The following ASB3 variants were observed in gnomAD, a reference collection of about 807,000 sequenced individuals.
ASB3 encodes the protein ankyrin repeat and SOCS box containing 3.
ASB3 carries 41 observed loss-of-function variants against 54.5 expected under a neutral mutation model. The ratio of observed to expected loss-of-function variants is 0.75; its 90% CI spans 0.59 to 0.98. ASB3 has a LOEUF of 0.98. Among genes scored for constraint, ASB3 ranks in the 50% least tolerant of loss-of-function variants. The probability of loss-of-function intolerance (pLI) is 0.00; values close to 1 mark genes in which losing one functional copy is unlikely to be tolerated. For synonymous variants in ASB3, 266 were observed against 221.2 expected (o/e 1.20, Z -1.80); for missense variants, 733 against 620.0 (o/e 1.18, Z -1.94).
chr2:53,784,526 A>G (rs1674825584), intron 1 of ASB3, among the ~76,000 whole-genome samples: 1 of 152,234 alleles, frequency 6.6e-6, no homozygotes, highest in Non-Finnish European at 1.5e-5. Context: ...TCAAGATGTC[A>G]GCAGGGCTAT....
chr2:53,735,647 AC>A (rs1167289888), intron 3 of ASB3, among the ~76,000 whole-genome samples: 1 of 152,070 alleles, frequency 6.6e-6, no homozygotes, highest in Non-Finnish European at 1.5e-5. Flanking sequence ...AAAAAAAAAA[AC>A]AAAAACTGAT....
At chr2:53,736,874 C>G (rs139296258) in intron 3 of ASB3, among the ~76,000 whole-genome samples, 239 of 151,842 alleles carry the variant, frequency 1.6e-3, no homozygotes, top group African/African-American at 5.6e-3. Context: ...GCCTGTAGTC[C>G]CAAGTACACT....
At chr2:53,784,123 T>C (rs1335565505) in intron 1 of ASB3, among the ~76,000 whole-genome samples, 1 of 152,266 alleles carries the variant, frequency 6.6e-6, no homozygotes, top group African/African-American at 2.4e-5. Context: ...TCTCTGCAGA[T>C]GCAATCATAC....
At chr2:53,687,891 C>A (rs542014967) in intron 9 of ASB3, among the ~76,000 whole-genome samples, 1 of 152,308 alleles carries the variant, frequency 6.6e-6, no homozygotes, top group East Asian at 1.9e-4. Context: ...ACACGGCTCA[C>A]TGCAGCCTTG....
intron 2 of ASB3, among the ~76,000 whole-genome samples, chr2:53,761,963 T>G (rs1043360992): frequency 3.9e-5 from 6 of 152,182 alleles, no homozygotes; most frequent in African/African-American, 1.4e-4. Flanking sequence ...TTACATTACA[T>G]CTCTACCATG....
chr2:53,705,741 C>T (rs1181019091), intron 7 of ASB3, among the ~76,000 whole-genome samples: 9 of 152,160 alleles, frequency 5.9e-5, no homozygotes, highest in East Asian at 1.9e-4. Context: ...CGTTCCCTGA[C>T]GCTCTTGTTT....
chr2:53,716,584 G>A lies in ASB3; in HGVS notation c.764C>T (p.Ala255Val), dbSNP rs1447530587. The change falls in exon 6 of 10, where the codon GCA becomes GTA. Residue 255 changes from alanine (A) to valine (V), a missense_variant. Physicochemically the swap from Ala to Val is moderately conservative, Grantham distance 64 (BLOSUM62 0). Transcript: ENST00000263634. Reference sequence around the variant, plus strand: ...CACTTACTTTGTATGGCCCATTTGTGCAGCTGCATGAATAGGTAACTGCCA... The same window carrying A: ...CACTTACTTTGTATGGCCCATTTGTACAGCTGCATGAATAGGTAACTGCCA... ...DSWQLPIHAA[A>V]QMGHTKILDL... 2 of 1,612,870 alleles carry A rather than the reference G, an allele frequency of 1.2e-6. No individual in the cohort carries two copies. The highest frequency in any genetic ancestry group is 2.2e-5 in the East Asian group (1 of 44,858).
chr2:53,731,201 A>G (rs914667031), intron 3 of ASB3, among the ~76,000 whole-genome samples: 65 of 152,154 alleles, frequency 4.3e-4, no homozygotes, highest in African/African-American at 1.5e-3. Context: ...GGAGATCGAG[A>G]CCATCCTGGC....
chr2:53,700,550 C>CA (rs1424946483), intron 7 of ASB3, 22 bp from the exon 8 acceptor site: 1 of 1,573,464 alleles, frequency 6.4e-7, no homozygotes, highest in Admixed American at 2.1e-5. Context: ...AAAATAAAAA[C>CA]AAAAAAAGAA....
intron 3 of ASB3, among the ~76,000 whole-genome samples, chr2:53,744,683 G>C (rs1197245135): frequency 2.6e-5 from 4 of 151,942 alleles, no homozygotes; most frequent in South Asian, 2.1e-4. Flanking sequence ...TATATAAAGA[G>C]ATATGAATGT....
In ASB3 at chr2:53,785,279, T is replaced by TCTTACTTTTCATCAG. The variant is rs541282475; in HGVS notation, c.-14+1541_-14+1542insCTGATGAAAAGTAAG. Among the ~76,000 whole-genome samples the TCTTACTTTTCATCAG allele has an allele frequency of 1.8e-4, 28 of 152,360 alleles. No homozygotes were observed. In the East Asian group the frequency reaches 5.2e-3, roughly 28 times the overall value. On this transcript the variant is annotated intron_variant, in intron 1 of 9. Transcript: ENST00000263634. ...ATTATTTTACTTATTTAAGTTCCCC[T>TCTTACTTTTCATCAG]CTTACTTGAACATCAGCTCTATTGA...
chr2:53,776,692 A>G (rs1211107736), intron 1 of ASB3, among the ~76,000 whole-genome samples: 1 of 151,994 alleles, frequency 6.6e-6, no homozygotes, highest in Non-Finnish European at 1.5e-5. Flanking sequence ...AGTGGCATGC[A>G]CCTGTAGGCC....
chr2:53,768,780 T>C lies in ASB3; in HGVS notation c.-13-3195A>G, dbSNP rs573578653. Among the ~76,000 whole-genome samples the C allele has an allele frequency of 3.3e-5, 5 of 152,316 alleles. No individual in the cohort carries two copies. In the South Asian group the frequency reaches 8.3e-4, roughly 25 times the overall value. On this transcript the variant is annotated intron_variant, in intron 1 of 9. Coordinates refer to ENST00000263634, the MANE Select transcript of ASB3 (RefSeq NM_016115.5). ...TCCTACAAAGACATTAATCTCAATA[T>C]ATGTATAGAGAATTAGCAGCAGCTC...
At chr2:53,757,011 A>T (rs1015710249) in intron 2 of ASB3, 3 of 167,674 alleles carry the variant, frequency 1.8e-5, no homozygotes, top group Admixed American at 6.3e-5. Context: ...CAAGAACCCG[A>T]GGTCAGAGAA....
chr2:53,682,644 T>G (rs1289973602), intron 9 of ASB3, among the ~76,000 whole-genome samples: 1 of 151,864 alleles, frequency 6.6e-6, no homozygotes, highest in Non-Finnish European at 1.5e-5. Context: ...GCCCGGCTAA[T>G]TTTTGTATTT....
chr2:53,746,515 T>C (rs1055326724), intron 3 of ASB3, among the ~76,000 whole-genome samples: 12 of 151,080 alleles, frequency 7.9e-5, no homozygotes, highest in Admixed American at 2.6e-4. Context: ...AGAGTTATTG[T>C]TGTCCAAGCT....
At chr2:53,714,710 G>T in intron 6 of ASB3, 129 bp from the exon 7 acceptor site, 1 of 891,780 alleles carries the variant, frequency 1.1e-6, no homozygotes, top group Non-Finnish European at 1.7e-6. Context: ...TGTCTAGGGT[G>T]TACCTTCTAC....
At chr2:53,714,298 G>A in intron 7 of ASB3, 86 bp downstream of exon 7, 1 of 1,498,808 alleles carries the variant, frequency 6.7e-7, no homozygotes, top group Non-Finnish European at 8.9e-7. Context: ...GAGATACTAA[G>A]TTTCATCGTG....
intron 6 of ASB3, among the ~76,000 whole-genome samples, chr2:53,715,283 A>T (rs1192138433): frequency 6.6e-6 from 1 of 152,174 alleles, no homozygotes; most frequent in African/African-American, 2.4e-5. Flanking sequence ...CTACCCTTCT[A>T]AAATTAAAAA....
Sources: gnomAD v4.1 joint callset for allele counts (sites outside exome capture counted in the v4.1 genomes callset) on GRCh38, gnomAD v4.1.1 for gene constraint, MANE v1.5 for transcripts, NCBI Gene and HGNC (gene_info 2026-07-23, HGNC 2026-07-21) for gene names.